The following KLF13 variants were observed in gnomAD, a reference collection of about 807,000 sequenced individuals.
KLF13 encodes the protein Krueppel-like factor 13.
In KLF13, 8 loss-of-function variants were observed where a neutral mutation model predicts 16.7. The ratio of observed to expected loss-of-function variants is 0.48; its 90% CI spans 0.28 to 0.87. The LOEUF is 0.87. Ranked by LOEUF, KLF13 falls within the 40% of genes least tolerant of loss-of-function variation. The probability of loss-of-function intolerance (pLI) is 0.10; values close to 1 mark genes in which losing one functional copy is unlikely to be tolerated. For synonymous variants in KLF13, 245 were observed against 208.4 expected (o/e 1.18, Z -1.51); for missense variants, 447 against 452.2 (o/e 0.99, Z 0.10).
chr15:31,331,521 G>T lies in KLF13; in HGVS notation c.577+3732G>T, dbSNP rs1347365236. On this transcript the variant is annotated intron_variant, in intron 1 of 1. Coordinates refer to ENST00000307145, the MANE Select transcript of KLF13 (RefSeq NM_015995.4). ...GGGCTCCCTGCAGGTCCTCCCTGAT[G>T]CTGCTGCCTGGGAAAGCAGAGCAGA... is the stretch of plus-strand genomic sequence containing the variant. 2.1e-5 allele frequency among the ~76,000 whole-genome samples: 3 copies of T among 140,500 alleles called. No individual in the cohort carries two copies. In the East Asian group the frequency reaches 5.9e-4, roughly 28 times the overall value. The allele number at this position is 140,500 out of a possible 152,430, so 92.2% of individuals were successfully genotyped here. A position where few individuals can be genotyped will look rare whatever the true frequency, so the allele number is the denominator to read the frequency against.
chr15:31,327,304 C>A lies in KLF13; in HGVS notation c.92C>A (p.Pro31Gln). The A allele has an allele frequency of 7.7e-7, 1 of 1,300,952 alleles. No individual in the cohort carries two copies. Among genetic ancestry groups the A allele is most frequent in the South Asian group, 2.1e-5 (1 of 48,344 alleles). 80.6% of individuals were successfully genotyped at this position (1,300,952 alleles called of 1,614,324 possible). ...GTCGTGCACGGGCCGCGGGAGGGGC[C>A]GGAGTCCCGGCCCGAGGGCGCGGCC... is the stretch of plus-strand genomic sequence containing the variant. ...RAVVHGPREGPESRPEGAAVA... is the reference protein window; with the variant it reads ...RAVVHGPREGQESRPEGAAVA... The change falls in exon 1 of 2, where the codon CCG (proline) becomes CAG (glutamine). Residue 31 changes from proline to glutamine, a missense_variant. By Grantham distance (76) the Pro-to-Gln change is moderately conservative. Transcript: ENST00000307145.
chr15:31,350,487 C>T (rs569019026), intron 1 of KLF13, among the ~76,000 whole-genome samples: 5 of 152,234 alleles, frequency 3.3e-5, no homozygotes, highest in Admixed American at 6.5e-5. Flanking sequence ...ACTTTGCTTC[C>T]GTCTTCACCA....
At chr15:31,390,937 G>A (rs1444476402), upstream of KLF13, among the ~76,000 whole-genome samples, 1 of 151,272 alleles carries the variant, frequency 6.6e-6, no homozygotes, top group Non-Finnish European at 1.5e-5. Flanking sequence ...GAGCCTTTCT[G>A]GCCATCCCTG....
chr15:31,350,281 G>A (rs1037818591), intron 1 of KLF13, among the ~76,000 whole-genome samples: 1 of 152,220 alleles, frequency 6.6e-6, no homozygotes, highest in East Asian at 1.9e-4. Context: ...GGGATGAGCC[G>A]AGCAGGCCCC....
intron 2 of KLF13, among the ~76,000 whole-genome samples, chr15:31,399,667 G>A (rs1346981700): frequency 6.6e-6 from 1 of 152,274 alleles, no homozygotes; most frequent in African/African-American, 2.4e-5. Flanking sequence ...TGCGGGACAA[G>A]GGGTGTGGTC....
intron 1 of KLF13, among the ~76,000 whole-genome samples, chr15:31,383,676 A>G (rs561163322): frequency 5.4e-4 from 82 of 152,330 alleles, no homozygotes; most frequent in Middle Eastern, 3.4e-3. Context: ...CAAGGCGGGC[A>G]GATCACGAGG....
intron 1 of KLF13, chr15:31,420,010 T>C (rs773466426): frequency 3.2e-6 from 1 of 309,302 alleles, no homozygotes; most frequent in Non-Finnish European, 6.3e-6. Context: ...AGAAACATTA[T>C]AGGCTGGAAA....
intron 1 of KLF13, among the ~76,000 whole-genome samples, chr15:31,350,000 C>G (rs2039191289): frequency 1.3e-5 from 2 of 152,226 alleles, no homozygotes. Context: ...AGTAGCCTAG[C>G]CTTTGCCGAA....
chr15:31,432,806 A>G lies in KLF13; in HGVS notation n.118-2564A>G, dbSNP rs182771116. ...AATTTTACCATGCTGGATGCTGGAT[A>G]TTTTTGTATTATTATAAATAATCTT... On this transcript the variant is annotated intron_variant and non_coding_transcript_variant, in intron 1 of 1. Transcript: ENST00000558225. 3.3e-5 allele frequency among the ~76,000 whole-genome samples: 5 copies of G among 152,146 alleles called. No individual in the cohort carries two copies. In the East Asian group the frequency reaches 9.7e-4, roughly 29 times the overall value.
intron 1 of KLF13, among the ~76,000 whole-genome samples, chr15:31,423,101 G>GTATATATACGTATA (rs1188647731): frequency 1.3e-5 from 1 of 77,068 alleles, no homozygotes; most frequent in Non-Finnish European, 2.9e-5. Flanking sequence ...GTATATATAC[G>GTATATATACGTATA]TATACGTATA....
intron 1 of KLF13, among the ~76,000 whole-genome samples, chr15:31,334,100 T>C (rs981353995): frequency 6.6e-6 from 1 of 152,194 alleles, no homozygotes; most frequent in Non-Finnish European, 1.5e-5. Flanking sequence ...GGGGGTTGGG[T>C]TCAGCTTTGG....
At position 31,376,087 on chromosome 15, in the gene KLF13, C is replaced by T. The variant is rs1011502044; in HGVS notation, c.*3788C>T. On this transcript the variant is annotated 3_prime_UTR_variant, in exon 2 of 2. Transcript: ENST00000307145. ...CTGGCCACTCTGCCTCAGGACTTGA[C>T]CTCAAGTGTTCTGTCTCCCCACCCG... The T allele has an allele frequency of 1.3e-5, 2 of 152,696 alleles. No individual in the cohort carries two copies. Among genetic ancestry groups the T allele is most frequent in the African/African-American group, 4.8e-5 (2 of 41,450 alleles). 9.5% of individuals were successfully genotyped at this position (152,696 alleles called of 1,614,324 possible).
In KLF13 at chr15:31,341,323, G is replaced by A. The variant is rs5014835; in HGVS notation, c.577+13534G>A. Among the ~76,000 whole-genome samples the A allele has an allele frequency of 1.2e-4, 18 of 152,264 alleles. 1 individual carries two copies. Among genetic ancestry groups the A allele is most frequent in the Middle Eastern group, 6.8e-3 (2 of 294 alleles). ...AGAATGTGGGTGAGGCACCCAGTAG[G>A]AGGGGTGTGTGTGCGTGTGTGTTCA... On this transcript the variant is annotated intron_variant, in intron 1 of 1. Transcript: ENST00000307145.
At chr15:31,361,384 C>T (rs1414640460) in intron 1 of KLF13, among the ~76,000 whole-genome samples, 1 of 152,162 alleles carries the variant, frequency 6.6e-6, no homozygotes, top group Admixed American at 6.5e-5. Flanking sequence ...ACAAGGGTTT[C>T]ACATCAACAC....
chr15:31,391,678 C>T (rs2039872205), upstream of KLF13, among the ~76,000 whole-genome samples: 1 of 143,288 alleles, frequency 7.0e-6, no homozygotes, highest in Admixed American at 7.1e-5. Context: ...GCTCTAGGTG[C>T]ACTGTTGGGG....
chr15:31,384,130 T>C (rs895344777), intron 1 of KLF13, among the ~76,000 whole-genome samples: 1 of 152,022 alleles, frequency 6.6e-6, no homozygotes, highest in African/African-American at 2.4e-5. Flanking sequence ...TGTTTACATG[T>C]TTAAATGCAT....
At chr15:31,329,620 G>C (rs1278356124) in intron 1 of KLF13, among the ~76,000 whole-genome samples, 1 of 152,154 alleles carries the variant, frequency 6.6e-6, no homozygotes, top group African/African-American at 2.4e-5. Flanking sequence ...TAGAATATTG[G>C]CGCAGGGGCT....
intron 1 of KLF13, chr15:31,420,690 T>C (rs962320446): frequency 2.1e-5 from 7 of 326,130 alleles, no homozygotes; most frequent in Non-Finnish European, 2.9e-5. Context: ...CCTTTTTTTT[T>C]CTTTCTTTTT....
downstream of KLF13, among the ~76,000 whole-genome samples, chr15:31,404,966 G>T (rs1034355020): frequency 6.6e-6 from 1 of 152,312 alleles, no homozygotes; most frequent in African/African-American, 2.4e-5. Flanking sequence ...GCTCCACCCT[G>T]CCTCAAAGAG....
Sources: allele counts gnomAD v4.1 joint callset (sites outside exome capture counted in the v4.1 genomes callset), GRCh38; gene constraint gnomAD v4.1.1; transcripts MANE v1.5; gene names NCBI Gene and HGNC (gene_info 2026-07-23, HGNC 2026-07-21).